The following ASAP1 variants were observed in gnomAD, a reference collection of about 807,000 sequenced individuals.
ASAP1 encodes arf-GAP with SH3 domain, ANK repeat and PH domain-containing protein 1.
Under a neutral mutation model 145.2 loss-of-function variants are expected in ASAP1, and 43 were observed. That is an observed-to-expected ratio of 0.30 (90% CI 0.23 to 0.38). The LOEUF (loss-of-function observed/expected upper bound fraction) is 0.38, where lower values mean the gene tolerates loss of function less well. ASAP1 is among the 10% of genes least tolerant of loss of function. The pLI, the probability that ASAP1 is intolerant of heterozygous loss-of-function variation, is 1.00. For missense variants in ASAP1, 1,018 were observed against 1,355.3 expected (o/e 0.75, Z 3.91); for synonymous variants, 546 against 515.5 (o/e 1.06, Z -0.80).
chr8:130,280,562 T>A (rs1821190087), intron 3 of ASAP1, among the ~76,000 whole-genome samples: 1 of 152,228 alleles, frequency 6.6e-6, no homozygotes, highest in African/African-American at 2.4e-5. Flanking sequence ...TATAATTTAA[T>A]AATCCTACTG....
At chr8:130,347,637 C>T (rs1016549083) in intron 3 of ASAP1, among the ~76,000 whole-genome samples, 2 of 152,170 alleles carry the variant, frequency 1.3e-5, no homozygotes, top group Admixed American at 6.5e-5. Flanking sequence ...GACTTAGCCC[C>T]ACCCATCACA....
chr8:130,368,340 A>G (rs2138259482), intron 2 of ASAP1, among the ~76,000 whole-genome samples: 1 of 152,362 alleles, frequency 6.6e-6, no homozygotes, highest in South Asian at 2.1e-4. Context: ...GGGTTTAAGA[A>G]TTAACTTTCA....
intron 15 of ASAP1, among the ~76,000 whole-genome samples, chr8:130,129,772 T>C (rs761586865): frequency 1.3e-5 from 2 of 152,204 alleles, no homozygotes; most frequent in Non-Finnish European, 2.9e-5. Flanking sequence ...ACCTTCAGTA[T>C]GTTGGGAGAA....
At chr8:130,272,713 C>T (rs1263698005) in intron 3 of ASAP1, among the ~76,000 whole-genome samples, 1 of 152,112 alleles carries the variant, frequency 6.6e-6, no homozygotes, top group Non-Finnish European at 1.5e-5. Context: ...ATGGATAGAA[C>T]TGGATGTCAC....
chr8:130,091,370 G>A lies in ASAP1; in HGVS notation c.2572+603C>T, dbSNP rs914428140. On this transcript the variant is annotated intron_variant, in intron 25 of 29. Coordinates refer to ENST00000518721, the MANE Select transcript of ASAP1 (RefSeq NM_018482.4). Reference sequence around the variant, plus strand: ...AGAACTCAAGGATGAAAGGGAAGCAGCTGTTCAAAAAGCATGACAGAGTTC... The same window carrying A: ...AGAACTCAAGGATGAAAGGGAAGCAACTGTTCAAAAAGCATGACAGAGTTC... Among the ~76,000 whole-genome samples the A allele has an allele frequency of 1.3e-5, 2 of 152,182 alleles. 1 individual carries two copies. Among genetic ancestry groups the A allele is most frequent in the East Asian group, 3.9e-4 (2 of 5,194 alleles).
chr8:130,312,553 A>G (rs1343788847), intron 3 of ASAP1, among the ~76,000 whole-genome samples: 4 of 152,190 alleles, frequency 2.6e-5, no homozygotes, highest in Non-Finnish European at 4.4e-5. Context: ...TGTCCTCTGC[A>G]TTAGGGACAT....
chr8:130,397,082 G>C (rs752219951), intron 2 of ASAP1, among the ~76,000 whole-genome samples: 3 of 152,086 alleles, frequency 2.0e-5, no homozygotes, highest in Admixed American at 6.6e-5. Context: ...GATGACAACC[G>C]CATTGCTGTG....
intron 3 of ASAP1, among the ~76,000 whole-genome samples, chr8:130,276,544 T>C (rs1820891577): frequency 6.6e-6 from 1 of 152,166 alleles, no homozygotes; most frequent in Non-Finnish European, 1.5e-5. Flanking sequence ...ATTTGTGTCC[T>C]GTAGGCTGAT....
chr8:130,154,336 A>G (rs1013070581), intron 12 of ASAP1, among the ~76,000 whole-genome samples: 1 of 152,248 alleles, frequency 6.6e-6, no homozygotes, highest in Admixed American at 6.5e-5. Flanking sequence ...AAGGATAAAA[A>G]AAGCCAAAGA....
intron 2 of ASAP1, among the ~76,000 whole-genome samples, chr8:130,364,973 T>C (rs7813167): frequency 0.21 from 31,744 of 151,992 alleles, 3,594 homozygotes; most frequent in African/African-American, 0.31. Flanking sequence ...AAAAAACAAA[T>C]GCCAAACAAA....
intron 5 of ASAP1, among the ~76,000 whole-genome samples, chr8:130,193,059 T>C (rs1204348858): frequency 6.6e-6 from 1 of 152,176 alleles, no homozygotes; most frequent in Non-Finnish European, 1.5e-5. Flanking sequence ...ACATTACTTA[T>C]GGTATGCAAG....
chr8:130,266,995 T>A (rs1342601772), intron 3 of ASAP1, among the ~76,000 whole-genome samples: 1 of 151,336 alleles, frequency 6.6e-6, no homozygotes, highest in African/African-American at 2.4e-5. Context: ...ATGAGAAAGC[T>A]TAATATTAAC....
rs151082398 is a variant in ASAP1 at position 130,435,772 on chromosome 8, A to C, written c.-28+7688T>G. On this transcript the variant is annotated intron_variant, in intron 1 of 29. Transcript: ENST00000518721. Reference sequence around the variant, plus strand: ...ATTATTCCTCCCATCAGCCCAGAGAAATGGCAAGAAAGCAGGATCTGAGTA... The same window carrying C: ...ATTATTCCTCCCATCAGCCCAGAGACATGGCAAGAAAGCAGGATCTGAGTA... 2.7e-3 allele frequency among the ~76,000 whole-genome samples: 416 copies of C among 152,314 alleles called. 1 individual carries two copies. The highest frequency in any genetic ancestry group is 9.5e-3 in the African/African-American group (394 of 41,564).
intron 3 of ASAP1, among the ~76,000 whole-genome samples, chr8:130,254,986 T>G (rs1819421684): frequency 6.6e-6 from 1 of 152,188 alleles, no homozygotes; most frequent in African/African-American, 2.4e-5. Flanking sequence ...TATCCCCATC[T>G]TCCCTTTCTG....
intron 3 of ASAP1, among the ~76,000 whole-genome samples, chr8:130,279,722 A>G (rs763704477): frequency 6.6e-6 from 1 of 152,222 alleles, no homozygotes; most frequent in Non-Finnish European, 1.5e-5. Flanking sequence ...GATGAGAAAG[A>G]GTTAGCAATG....
At chr8:130,302,079 A>C (rs1328008210) in intron 3 of ASAP1, among the ~76,000 whole-genome samples, 3 of 152,240 alleles carry the variant, frequency 2.0e-5, no homozygotes, top group Non-Finnish European at 4.4e-5. Context: ...ACAGGTAAAT[A>C]GATAATCTGC....
intron 4 of ASAP1, among the ~76,000 whole-genome samples, chr8:130,225,991 C>A (rs1817564649): frequency 6.6e-6 from 1 of 151,930 alleles, no homozygotes; most frequent in African/African-American, 2.4e-5. Flanking sequence ...GATATTCCCA[C>A]TTCAGTCTCT....
At chr8:130,246,600 A>G (rs886886392) in intron 3 of ASAP1, among the ~76,000 whole-genome samples, 3 of 152,160 alleles carry the variant, frequency 2.0e-5, no homozygotes, top group African/African-American at 4.8e-5. Flanking sequence ...CTGCCATGAC[A>G]GTAAGTTTCC....
chr8:130,110,646 G>C (rs1309215238), intron 24 of ASAP1, among the ~76,000 whole-genome samples: 1 of 152,160 alleles, frequency 6.6e-6, no homozygotes, highest in Non-Finnish European at 1.5e-5. Context: ...TTACTGTGTG[G>C]CCACTGGTTA....
Sources: gnomAD v4.1 joint callset for allele counts (sites outside exome capture counted in the v4.1 genomes callset) on GRCh38, gnomAD v4.1.1 for gene constraint, MANE v1.5 for transcripts, NCBI Gene and HGNC (gene_info 2026-07-23, HGNC 2026-07-21) for gene names.